Variants in C5orf24 observed in about 807,000 individuals in gnomAD.
The protein encoded by C5orf24 is UPF0461 protein C5orf24.
In C5orf24, 4 loss-of-function variants were observed where a neutral mutation model predicts 9.8. The ratio of observed to expected loss-of-function variants is 0.41; its 90% CI spans 0.20 to 0.93. The LOEUF is 0.93. Among genes scored for constraint, C5orf24 ranks in the 40% least tolerant of loss-of-function variants. The pLI is 0.33. For synonymous variants in C5orf24, 73 were observed against 81.3 expected (o/e 0.90, Z 0.55); for missense variants, 170 against 236.9 (o/e 0.72, Z 1.85).
At chr5:134,850,764 A>G (rs1756134837) in intron 1 of C5orf24, among the ~76,000 whole-genome samples, 2 of 151,980 alleles carry the variant, frequency 1.3e-5, no homozygotes, top group South Asian at 4.1e-4. Flanking sequence ...GGCATGAGTC[A>G]CCATGCCCAG....
Position 134,855,871 on chromosome 5 carries a change from C to CA in C5orf24, c.*410dup. The CA allele has an allele frequency of 9.8e-7, 1 of 1,015,866 alleles. No homozygotes were observed. The highest frequency in any genetic ancestry group is 1.2e-6 in the Non-Finnish European group (1 of 841,286). The allele number at this position is 1,015,866 out of a possible 1,614,324, so 62.9% of individuals were successfully genotyped here. On this transcript the variant is annotated 3_prime_UTR_variant, in exon 2 of 2. Coordinates refer to ENST00000394976, the MANE Select transcript of C5orf24 (RefSeq NM_001135586.1). Reference sequence around the variant, plus strand: ...ACTAACGTATTTTTAACTGATGGAGCAAAAAAGCAAACTAATGAATCAGGA... The same window carrying CA: ...ACTAACGTATTTTTAACTGATGGAGCAAAAAAAGCAAACTAATGAATCAGGA...
At chr5:134,838,631 G>GA in the C5orf24 span, among the ~76,000 whole-genome samples, 2 of 152,214 alleles carry the variant, frequency 1.3e-5, no homozygotes, top group South Asian at 2.1e-4. Context: ...GAAAGAGCAA[G>GA]ACTTTATCTC....
At chr5:134,840,594 CG>C in the C5orf24 span, among the ~76,000 whole-genome samples, 2 of 152,062 alleles carry the variant, frequency 1.3e-5, no homozygotes, top group African/African-American at 4.8e-5. Flanking sequence ...AGTACAGTCA[CG>C]TGATTACAGC....
At chr5:134,851,013 T>TTTAG (rs1369234309) in intron 1 of C5orf24, among the ~76,000 whole-genome samples, 2 of 150,388 alleles carry the variant, frequency 1.3e-5, no homozygotes, top group African/African-American at 2.4e-5. Context: ...TATTTATTTA[T>TTTAG]TTATTTATTT....
chr5:134,849,647 C>CTT (rs35375521), intron 1 of C5orf24, among the ~76,000 whole-genome samples: 20,192 of 76,942 alleles, frequency 0.26, 5,747 homozygotes, highest in South Asian at 0.4. Flanking sequence ...AAGTCAGTGT[C>CTT]TTTTTTTTTT....
chr5:134,847,871 T>C (rs1756039980), intron 1 of C5orf24, among the ~76,000 whole-genome samples: 1 of 152,096 alleles, frequency 6.6e-6, no homozygotes, highest in African/African-American at 2.4e-5. Flanking sequence ...GACTAATTTT[T>C]TGGATTTTTA....
chr5:134,839,649 G>A, the C5orf24 span, among the ~76,000 whole-genome samples: 25,132 of 150,762 alleles, frequency 0.17, 2,335 homozygotes, highest in South Asian at 0.37. Flanking sequence ...TGCTGTTATT[G>A]TAGATGCTAA....
chr5:134,850,781 G>T (rs1170251343), intron 1 of C5orf24, among the ~76,000 whole-genome samples: 1 of 151,660 alleles, frequency 6.6e-6, no homozygotes, highest in African/African-American at 2.4e-5. Flanking sequence ...CCAGCCGCAC[G>T]ACTAATTTTT....
intron 1 of C5orf24, among the ~76,000 whole-genome samples, chr5:134,847,134 C>T (rs1210123003): frequency 2.0e-5 from 3 of 152,130 alleles, no homozygotes; most frequent in African/African-American, 7.2e-5. Flanking sequence ...AAGAACGGCT[C>T]ATTTTAGGGG....
rs183328862 is a variant in C5orf24, at chr5:134,848,296, G to A, written c.-4+2084G>A. 1.4e-3 allele frequency among the ~76,000 whole-genome samples: 207 copies of A among 149,924 alleles called. 2 individuals carry two copies. The highest frequency in any genetic ancestry group is 4.7e-3 in the African/African-American group (190 of 40,750). On this transcript the variant is annotated intron_variant, in intron 1 of 1. Transcript: ENST00000394976. ...ACTGTTCTCCAGCCTGGGCGACAGA[G>A]CAAGACTCCATATCAAAACAAAACA...
rs1756313072 is a variant in C5orf24, at chr5:134,856,390, C to T, written c.*923C>T. ...TTGGCTGGGTGTGGTGGCTCACACC[C>T]AGCACTTTGGGAGGCCGAGGCAGGC... On this transcript the variant is annotated 3_prime_UTR_variant, in exon 2 of 2. Coordinates refer to ENST00000394976, the MANE Select transcript of C5orf24 (RefSeq NM_001135586.1). 1 of 904,258 alleles carries T rather than the reference C, an allele frequency of 1.1e-6. No individual in the cohort carries two copies. The highest frequency in any genetic ancestry group is 1.3e-6 in the Non-Finnish European group (1 of 743,020). 56.0% of individuals were successfully genotyped at this position (904,258 alleles called of 1,614,324 possible). A position where few individuals can be genotyped will look rare whatever the true frequency, so the allele number is the denominator to read the frequency against.
Position 134,857,515 on chromosome 5 carries a change from CA to C in C5orf24, c.*2049del, listed in dbSNP as rs1295492384. ...TCAACAATATTAGCTTTGCACAAAC[CA>C]TAGAGAACGATGTTGGATGGTTACA... On this transcript the variant is annotated 3_prime_UTR_variant, in exon 2 of 2. Transcript: ENST00000394976. 2 of 1,280,348 alleles carry C rather than the reference CA, an allele frequency of 1.6e-6. No individual in the cohort carries two copies. The highest frequency in any genetic ancestry group is 3.0e-5 in the African/African-American group (2 of 65,722). The allele number at this position is 1,280,348 out of a possible 1,614,324, so 79.3% of individuals were successfully genotyped here. A position where few individuals can be genotyped will look rare whatever the true frequency, so the allele number is the denominator to read the frequency against.
chr5:134,857,491 C>T lies in C5orf24; in HGVS notation c.*2024C>T. The T allele has an allele frequency of 5.0e-6, 7 of 1,400,250 alleles. No individual in the cohort carries two copies. Among genetic ancestry groups the T allele is most frequent in the Non-Finnish European group, 6.6e-6 (7 of 1,058,830 alleles). 86.7% of individuals were successfully genotyped at this position (1,400,250 alleles called of 1,614,324 possible). Reference sequence around the variant, plus strand: ...GCACTGGCGTCTAAGACAGTGACCTCAACAATATTAGCTTTGCACAAACCA... The same window carrying T: ...GCACTGGCGTCTAAGACAGTGACCTTAACAATATTAGCTTTGCACAAACCA... On this transcript the variant is annotated 3_prime_UTR_variant, in exon 2 of 2. Coordinates refer to ENST00000394976, the MANE Select transcript of C5orf24 (RefSeq NM_001135586.1).
At position 134,853,888 on chromosome 5, in the gene C5orf24, C is replaced by T. The variant is rs1580844370; in HGVS notation, c.-3-1010C>T. On this transcript the variant is annotated intron_variant, in intron 1 of 1. Coordinates refer to ENST00000394976, the MANE Select transcript of C5orf24 (RefSeq NM_001135586.1). Reference sequence around the variant, plus strand: ...ACGAGGTCAGGAGTTCGAGACCAGCCTGACCAACATGGTGAAACCCTGTCT... The same window carrying T: ...ACGAGGTCAGGAGTTCGAGACCAGCTTGACCAACATGGTGAAACCCTGTCT... Among the ~76,000 whole-genome samples the T allele has an allele frequency of 2.0e-5, 3 of 152,268 alleles. No individual in the cohort carries two copies. The East Asian group carries it at 5.8e-4, about 29-fold the overall frequency.
At chr5:134,848,327 AAAC>A (rs1464373090) in intron 1 of C5orf24, among the ~76,000 whole-genome samples, 3 of 149,910 alleles carry the variant, frequency 2.0e-5, no homozygotes, top group African/African-American at 7.4e-5. Flanking sequence ...AAACAAAACA[AAAC>A]AAAAAACAAA....
At position 134,858,818 on chromosome 5, in the gene C5orf24, G is replaced by T. The variant is rs1756376170; in HGVS notation, c.*3351G>T. ...TTGGCACAATGTATTGGAAGAAAAT[G>T]AGTAGTATCTGGTTTAATTTTTAAT... On this transcript the variant is annotated 3_prime_UTR_variant, in exon 2 of 2. Coordinates refer to ENST00000394976, the MANE Select transcript of C5orf24 (RefSeq NM_001135586.1). 6.0e-6 allele frequency: 1 copy of T among 166,258 alleles called. No individual in the cohort carries two copies. The highest frequency in any genetic ancestry group is 2.4e-5 in the African/African-American group (1 of 41,434). 10.3% of individuals were successfully genotyped at this position (166,258 alleles called of 1,614,324 possible).
At position 134,855,390 on chromosome 5, in the gene C5orf24, C is replaced by T; in HGVS notation, c.490C>T (p.Pro164Ser). The change falls in exon 2 of 2, where the codon CCT (proline) becomes TCT (serine). Residue 164 changes from proline to serine, a missense_variant. Pro to Ser is a moderately conservative substitution (Grantham distance 74, BLOSUM62 -1). Around this residue, in one of 3 missense-constraint regions of C5orf24, gnomAD observed 56 missense variants for 60.3 expected, o/e 0.93. Transcript: ENST00000394976. ...TTATGGCTGTGGCACTGCTGCTTTT[C>T]CTTACCCTATGATGCATGGCAGAGC... ...LGYGCGTAAF[P>S]YPMMHGRAVH... 6.2e-7 allele frequency: 1 copy of T among 1,614,198 alleles called. No homozygotes were observed. The highest frequency in any genetic ancestry group is 8.5e-7 in the Non-Finnish European group (1 of 1,180,038).
In C5orf24 at chr5:134,855,074, A is replaced by G. The variant is rs779008212; in HGVS notation, c.174A>G (p.Pro58=). 5.6e-6 allele frequency: 9 copies of G among 1,614,214 alleles called. No individual in the cohort carries two copies. Among genetic ancestry groups the G allele is most frequent in the East Asian group, 4.5e-5 (2 of 44,884 alleles). The change falls in exon 2 of 2, where the codon CCA becomes CCG. Residue 58 remains proline, a synonymous_variant. Transcript: ENST00000394976. ...HKPMVCQRQD[P]LNETHLQTTS... ...CAATGGTTTGTCAGAGGCAAGACCC[A>G]TTAAATGAAACACACTTGCAGACTA...
In C5orf24 at chr5:134,855,516, C is replaced by A. The variant is rs1434371617; in HGVS notation, c.*49C>A. The A allele has an allele frequency of 6.3e-7, 1 of 1,594,830 alleles. No individual in the cohort carries two copies. The highest frequency in any genetic ancestry group is 1.9e-5 in the Admixed American group (1 of 52,536). ...GTTTAGAAGGAAGATTGTGAATAAT[C>A]CCAAAGCTTCTTGGTTTTATTTTGA... On this transcript the variant is annotated 3_prime_UTR_variant, in exon 2 of 2. Transcript: ENST00000394976.
Sources: allele counts gnomAD v4.1 joint callset (sites outside exome capture counted in the v4.1 genomes callset), GRCh38; gene constraint gnomAD v4.1.1; regional missense constraint gnomAD v4.1.1; transcripts MANE v1.5; gene names NCBI Gene and HGNC (gene_info 2026-07-23, HGNC 2026-07-21).